The following CPQ variants were observed in gnomAD, a reference collection of about 807,000 sequenced individuals.
CPQ encodes Ser-Met dipeptidase.
In CPQ, 37 loss-of-function variants were observed where a neutral mutation model predicts 45.7. The observed-to-expected ratio is 0.81, with a 90% CI of 0.62 to 1.07. The LOEUF (loss-of-function observed/expected upper bound fraction) is 1.07. Ranked by LOEUF, CPQ falls within the 50% of genes least tolerant of loss-of-function variation. CPQ has a pLI of 0.00. For synonymous variants in CPQ, 186 were observed against 205.8 expected (o/e 0.90, Z 0.82); for missense variants, 537 against 572.9 (o/e 0.94, Z 0.64).
chr8:97,074,188 T>A (rs1374304665), intron 7 of CPQ, among the ~76,000 whole-genome samples: 1 of 152,238 alleles, frequency 6.6e-6, no homozygotes, highest in Non-Finnish European at 1.5e-5. Flanking sequence ...GTTAATATAC[T>A]TTGTACTTTA....
At chr8:97,006,326 G>C (rs1050407709) in intron 5 of CPQ, among the ~76,000 whole-genome samples, 6 of 152,046 alleles carry the variant, frequency 3.9e-5, no homozygotes, top group African/African-American at 1.4e-4. Context: ...TCTATGTCCT[G>C]CCATTTCTTA....
intron 1 of CPQ, among the ~76,000 whole-genome samples, chr8:96,766,624 G>T (rs1810471075): frequency 6.6e-6 from 1 of 152,162 alleles, no homozygotes; most frequent in Non-Finnish European, 1.5e-5. Context: ...AGAAAAGAAT[G>T]AGTTAGTAAT....
At chr8:96,878,777 G>C (rs944031975) in intron 3 of CPQ, among the ~76,000 whole-genome samples, 2 of 152,220 alleles carry the variant, frequency 1.3e-5, no homozygotes, top group Admixed American at 6.5e-5. Context: ...AATGTGTTGT[G>C]GGTGAAAGGA....
intron 1 of CPQ, among the ~76,000 whole-genome samples, chr8:96,677,759 G>T (rs1268264365): frequency 6.6e-6 from 1 of 152,002 alleles, no homozygotes; most frequent in African/African-American, 2.4e-5. Context: ...CCAATGTCTA[G>T]AATAAGTTTT....
chr8:96,674,271 T>TC (rs1361587879), intron 1 of CPQ, among the ~76,000 whole-genome samples: 1 of 152,176 alleles, frequency 6.6e-6, no homozygotes, highest in Non-Finnish European at 1.5e-5. Context: ...GAACCTTTTT[T>TC]CCCCCTGTCC....
chr8:97,063,385 C>G (rs566689678), intron 6 of CPQ, among the ~76,000 whole-genome samples: 2 of 152,248 alleles, frequency 1.3e-5, no homozygotes, highest in South Asian at 2.1e-4. Flanking sequence ...AGACCTTTGT[C>G]AGATGCATAG....
chr8:96,917,172 T>C (rs965338228), intron 4 of CPQ, among the ~76,000 whole-genome samples: 1 of 152,096 alleles, frequency 6.6e-6, no homozygotes. Flanking sequence ...AAAAACAAGA[T>C]GGCATTATAC....
At chr8:97,044,154 C>A (rs914164640) in intron 6 of CPQ, among the ~76,000 whole-genome samples, 2 of 152,208 alleles carry the variant, frequency 1.3e-5, no homozygotes, top group Non-Finnish European at 2.9e-5. Context: ...TTCACATAGT[C>A]CCCTATTTCT....
chr8:96,906,461 A>C (rs1476719051), intron 4 of CPQ, among the ~76,000 whole-genome samples: 1 of 152,198 alleles, frequency 6.6e-6, no homozygotes, highest in African/African-American at 2.4e-5. Flanking sequence ...AGAAGGAAGT[A>C]TGTATGCATA....
chr8:97,077,572 A>G (rs1268416440), intron 7 of CPQ, among the ~76,000 whole-genome samples: 1 of 152,208 alleles, frequency 6.6e-6, no homozygotes, highest in African/African-American at 2.4e-5. Flanking sequence ...ATATGTTTTG[A>G]CAAATTTTAA....
At chr8:96,872,643 G>T (rs918687511) in intron 3 of CPQ, among the ~76,000 whole-genome samples, 1 of 151,792 alleles carries the variant, frequency 6.6e-6, no homozygotes, top group African/African-American at 2.4e-5. Context: ...AAGAAAACTC[G>T]ACTAATGGTG....
chr8:97,039,437 T>A (rs1269695863), intron 6 of CPQ, among the ~76,000 whole-genome samples: 5 of 152,050 alleles, frequency 3.3e-5, no homozygotes, highest in African/African-American at 1.2e-4. Context: ...TCCTTTCCTT[T>A]TTAATATTAA....
At chr8:97,080,171 T>G (rs191995719) in intron 7 of CPQ, among the ~76,000 whole-genome samples, 1 of 152,256 alleles carries the variant, frequency 6.6e-6, no homozygotes, top group Admixed American at 6.5e-5. Context: ...TACTGGAAGT[T>G]TTGCCAAATT....
chr8:96,990,889 T>G (rs1286907743), intron 5 of CPQ, among the ~76,000 whole-genome samples: 1 of 152,170 alleles, frequency 6.6e-6, no homozygotes, highest in Non-Finnish European at 1.5e-5. Flanking sequence ...CAAAGGAGCT[T>G]CTGTGAGTCA....
At chr8:96,781,494 C>G (rs1810684536) in intron 1 of CPQ, among the ~76,000 whole-genome samples, 1 of 152,178 alleles carries the variant, frequency 6.6e-6, no homozygotes, top group Non-Finnish European at 1.5e-5. Flanking sequence ...AGGGCAAATC[C>G]ATCATGATCT....
At chr8:96,686,941 TCA>T (rs1352410358) in intron 1 of CPQ, among the ~76,000 whole-genome samples, 1 of 152,176 alleles carries the variant, frequency 6.6e-6, no homozygotes, top group African/African-American at 2.4e-5. Flanking sequence ...TCAAATTTAC[TCA>T]CACTGAATTG....
At chr8:96,860,196 C>A (rs1002366747) in intron 3 of CPQ, among the ~76,000 whole-genome samples, 1 of 152,080 alleles carries the variant, frequency 6.6e-6, no homozygotes, top group Admixed American at 6.6e-5. Flanking sequence ...ACCTTTACAA[C>A]GTGTGCAGTG....
chr8:96,976,137 A>G (rs1813776360), intron 5 of CPQ, among the ~76,000 whole-genome samples: 1 of 151,778 alleles, frequency 6.6e-6, no homozygotes, highest in Admixed American at 6.6e-5. Flanking sequence ...TGAATTCAGC[A>G]AAGGTTCAGG....
chr8:97,014,482 C>T (rs961169518), intron 5 of CPQ, among the ~76,000 whole-genome samples: 1 of 151,860 alleles, frequency 6.6e-6, no homozygotes, highest in Admixed American at 6.6e-5. Flanking sequence ...AAAGCCCCAT[C>T]TCTACTAAAA....
Sources: allele counts gnomAD v4.1 joint callset (sites outside exome capture counted in the v4.1 genomes callset), GRCh38; gene constraint gnomAD v4.1.1; transcripts MANE v1.5; gene names NCBI Gene and HGNC (gene_info 2026-07-23, HGNC 2026-07-21).